Variants in SLC4A8 observed in about 807,000 individuals in gnomAD.
SLC4A8 encodes solute carrier family 4 member 8, also known as electroneutral sodium bicarbonate exchanger 1.
A neutral mutation model predicts 125.0 loss-of-function variants in SLC4A8; 40 were observed. The observed-to-expected ratio is 0.32, with a 90% CI of 0.25 to 0.42. The LOEUF (loss-of-function observed/expected upper bound fraction) is 0.42. Ranked by LOEUF, SLC4A8 falls within the 10% of genes least tolerant of loss-of-function variation. The pLI, the probability that SLC4A8 is intolerant of heterozygous loss-of-function variation, is 1.00. For synonymous variants in SLC4A8, 456 were observed against 476.0 expected (o/e 0.96, Z 0.55); for missense variants, 863 against 1,355.1 (o/e 0.64, Z 5.70).
intron 1 of SLC4A8, among the ~76,000 whole-genome samples, chr12:51,400,773 TATATACATAC>T (rs1262476660): frequency 0.14 from 640 of 4,440 alleles, 96 homozygotes; most frequent in South Asian, 0.17. Flanking sequence ...TATATATATA[TATATACATAC>T]ATACACACAC....
intron 2 of SLC4A8, among the ~76,000 whole-genome samples, chr12:51,448,622 AG>A (rs1949862996): frequency 6.6e-6 from 1 of 152,180 alleles, no homozygotes; most frequent in South Asian, 2.1e-4. Context: ...CAAGTGAACC[AG>A]GGGAGGGCAG....
At chr12:51,416,152 A>G (rs561236296) in intron 1 of SLC4A8, among the ~76,000 whole-genome samples, 1 of 146,942 alleles carries the variant, frequency 6.8e-6, no homozygotes, top group South Asian at 2.1e-4. Context: ...TTAGGACTAG[A>G]GCTGTCCTAA....
chr12:51,403,306 G>A (rs1335735910), intron 1 of SLC4A8: 11 of 448,544 alleles, frequency 2.5e-5, no homozygotes, highest in Admixed American at 1.7e-4. Flanking sequence ...TTCTTGATAT[G>A]TGCCTGTTAC....
At chr12:51,420,481 A>G (rs1948765464), upstream of SLC4A8, among the ~76,000 whole-genome samples, 1 of 152,204 alleles carries the variant, frequency 6.6e-6, no homozygotes, top group Admixed American at 6.5e-5. Flanking sequence ...GTCTTTCAGG[A>G]TATTTAAGGA....
At position 51,512,708 on chromosome 12, in the gene SLC4A8, C is replaced by G. The variant is rs1938408471; in HGVS notation, c.*5270C>G. The G allele has an allele frequency of 6.6e-6, 1 of 151,966 alleles. No individual in the cohort carries two copies. Among genetic ancestry groups the G allele is most frequent in the Non-Finnish European group, 1.5e-5 (1 of 68,042 alleles). 9.4% of individuals were successfully genotyped at this position (151,966 alleles called of 1,614,324 possible). ...GTATGTTGACAAATGAGAGTGTAGCCATAAGATTTCATTGTTACTACTAGT... is the reference window on the plus strand; with the variant it reads ...GTATGTTGACAAATGAGAGTGTAGCGATAAGATTTCATTGTTACTACTAGT... On this transcript the variant is annotated 3_prime_UTR_variant, in exon 25 of 25. Transcript: ENST00000453097.
chr12:51,420,812 C>G (rs906900352), upstream of SLC4A8, among the ~76,000 whole-genome samples: 3 of 152,188 alleles, frequency 2.0e-5, no homozygotes, highest in Admixed American at 2.0e-4. Flanking sequence ...TGGTGAAGCT[C>G]ATGCACTGTG....
Position 51,471,364 on chromosome 12 carries a change from C to T in SLC4A8, c.1736C>T (p.Ala579Val), listed in dbSNP as rs1950693295. 6.2e-7 allele frequency: 1 copy of T among 1,614,080 alleles called. No homozygotes were observed. Among genetic ancestry groups the T allele is most frequent in the African/African-American group, 1.3e-5 (1 of 75,046 alleles). The change falls in exon 14 of 25, where the codon GCA (alanine) becomes GTA (valine). Residue 579 changes from alanine to valine, a missense_variant. Ala to Val is a moderately conservative substitution (Grantham distance 64, BLOSUM62 0). Coordinates refer to ENST00000453097, the MANE Select transcript of SLC4A8 (RefSeq NM_001039960.3). Reference protein sequence around the residue: ...WTAFLCIVLVATDASSLVCYI... With the variant: ...WTAFLCIVLVVTDASSLVCYI... ...GCTTTCCTGTGTATTGTCCTTGTGGCAACTGATGCCAGTTCCCTTGTCTGC... is the reference window on the plus strand; with the variant it reads ...GCTTTCCTGTGTATTGTCCTTGTGGTAACTGATGCCAGTTCCCTTGTCTGC...
chr12:51,502,048 A>G (rs10783452), intron 22 of SLC4A8: 73,448 of 152,120 alleles, frequency 0.48, 18,069 homozygotes, highest in Non-Finnish European at 0.53. Context: ...AATCCTGACT[A>G]CAGTAGCCAT....
chr12:51,432,568 C>T (rs547534913), intron 1 of SLC4A8, among the ~76,000 whole-genome samples: 2 of 151,762 alleles, frequency 1.3e-5, no homozygotes, highest in African/African-American at 4.8e-5. Flanking sequence ...ACTAAAAATA[C>T]AAAAATTAGC....
Position 51,471,269 on chromosome 12 carries a change from A to T in SLC4A8, c.1659-18A>T. On this transcript the variant is annotated intron_variant, in intron 13 of 24. Transcript: ENST00000453097. ...GCCATCCATCCATGCGTTCTGATGA[A>T]CTTTGGTCTTGTTTCAGAGACTATG... 1.2e-6 allele frequency: 2 copies of T among 1,605,112 alleles called. No homozygotes were observed. Among genetic ancestry groups the T allele is most frequent in the Non-Finnish European group, 8.5e-7 (1 of 1,178,068 alleles).
At chr12:51,490,249 G>A (rs1209425795) in intron 19 of SLC4A8, among the ~76,000 whole-genome samples, 1 of 152,056 alleles carries the variant, frequency 6.6e-6, no homozygotes, top group Non-Finnish European at 1.5e-5. Flanking sequence ...CTTCTCTGAG[G>A]AGATGCTATT....
intron 2 of SLC4A8, among the ~76,000 whole-genome samples, chr12:51,442,846 A>G (rs1448708927): frequency 1.3e-5 from 2 of 152,158 alleles, no homozygotes; most frequent in African/African-American, 4.8e-5. Flanking sequence ...GGGCAGCCCT[A>G]GGACTCAATG....
rs569493904 is a variant in SLC4A8 at position 51,425,008 on chromosome 12, C to T, written c.21C>T (p.Asn7=). The change falls in exon 1 of 25, where the codon AAC becomes AAT. Residue 7 remains asparagine (N), a synonymous_variant. Coordinates refer to ENST00000453097, the MANE Select transcript of SLC4A8 (RefSeq NM_001039960.3). MPAAGS[N]EPDGVLSYQR... ...CCGCCATGCCGGCCGCCGGGAGTAA[C>T]GAGCCGGACGGCGTCCTCAGCTATC... The T allele has an allele frequency of 3.2e-6, 5 of 1,556,314 alleles. No individual in the cohort carries two copies. The highest frequency in any genetic ancestry group is 1.9e-5 in the Admixed American group (1 of 52,130).
intron 16 of SLC4A8, 35 bp downstream of exon 16, chr12:51,475,241 G>A (rs767210903): frequency 6.2e-6 from 10 of 1,603,732 alleles, no homozygotes; most frequent in Admixed American, 1.7e-5. Flanking sequence ...TTTCACGTTA[G>A]AATCAAATAT....
chr12:51,434,345 T>A (rs1351277027), intron 1 of SLC4A8, among the ~76,000 whole-genome samples: 1 of 152,242 alleles, frequency 6.6e-6, no homozygotes, highest in Non-Finnish European at 1.5e-5. Context: ...CCTAATATAA[T>A]CAAATTTTCA....
chr12:51,471,474 C>T lies in SLC4A8; in HGVS notation c.1846C>T (p.Leu616=). ...TGAAGCAATAGAAAAACTGATTCAC[C>T]TGGCAGAGACCTACCCCATCCACAT... ...IYEAIEKLIH[L]AETYPIHMHS... Residue 616 remains leucine (L), a synonymous_variant, in exon 14 of 25, where the codon CTG becomes TTG. Coordinates refer to ENST00000453097, the MANE Select transcript of SLC4A8 (RefSeq NM_001039960.3). 1 of 1,614,184 alleles carries T rather than the reference C, an allele frequency of 6.2e-7. No homozygotes were observed. The highest frequency in any genetic ancestry group is 8.5e-7 in the Non-Finnish European group (1 of 1,180,012).
chr12:51,483,001 A>G (rs1274673407), intron 16 of SLC4A8, among the ~76,000 whole-genome samples: 3 of 152,212 alleles, frequency 2.0e-5, no homozygotes, highest in African/African-American at 4.8e-5. Context: ...TATTAGCCAC[A>G]TGAGGGAGCC....
rs767514958 is a variant in SLC4A8, at chr12:51,474,386, A to G, written c.1949A>G (p.Gln650Arg). The G allele has an allele frequency of 1.5e-5, 24 of 1,611,792 alleles. No homozygotes were observed. The Admixed American group carries it at 3.3e-4, about 22-fold the overall frequency. Residue 650 changes from glutamine to arginine, a missense_variant, in exon 15 of 25, where the codon CAG becomes CGG. This residue lies in a region of SLC4A8 where 76 missense variants were observed against 80.2 expected (regional missense o/e 0.95). Transcript: ENST00000453097. ...LPENPNNHTL[Q>R]YWKDHNIVTA... ...GAGAATCCAAACAATCACACCCTCCAGTACTGGAAGGACCACAACATCGTG... is the reference window on the plus strand; with the variant it reads ...GAGAATCCAAACAATCACACCCTCCGGTACTGGAAGGACCACAACATCGTG...
At chr12:51,454,249 A>T (rs940301124) in intron 5 of SLC4A8, among the ~76,000 whole-genome samples, 1 of 152,168 alleles carries the variant, frequency 6.6e-6, no homozygotes, top group Non-Finnish European at 1.5e-5. Context: ...GTGAGTCAAG[A>T]TTGTGCCACT....
Sources: allele counts gnomAD v4.1 joint callset (sites outside exome capture counted in the v4.1 genomes callset), GRCh38; gene constraint gnomAD v4.1.1; regional missense constraint gnomAD v4.1.1; transcripts MANE v1.5; gene names NCBI Gene and HGNC (gene_info 2026-07-23, HGNC 2026-07-21).